The following SLC4A7 variants were observed in gnomAD, a reference collection of about 807,000 sequenced individuals.
SLC4A7 encodes the protein solute carrier family 4 member 7, also known as sodium bicarbonate cotransporter 3.
SLC4A7 carries 51 observed loss-of-function variants against 137.6 expected under a neutral mutation model. The ratio of observed to expected loss-of-function variants is 0.37; its 90% CI spans 0.30 to 0.47. The LOEUF is 0.47. SLC4A7 is among the 20% of genes least tolerant of loss of function. The pLI, the probability that SLC4A7 is intolerant of heterozygous loss-of-function variation, is 1.00. For synonymous variants in SLC4A7, 542 were observed against 518.6 expected, an observed-to-expected ratio of 1.05 and a Z score of -0.61; for missense variants, 1,247 against 1,525.4, an observed-to-expected ratio of 0.82 and a Z score of 3.04.
In SLC4A7 at chr3:27,411,677, A is replaced by G. The variant is rs759744852; in HGVS notation, c.1731T>C (p.Ala577=). The change falls in exon 12 of 26, where the codon GCT becomes GCC. Residue 577 remains alanine, a synonymous_variant. Transcript: ENST00000454389. Reference sequence around the variant, plus strand: ...TCTGTAGCTCAGGCCCAGCATGATGAGCGGCCTCTTTAGGAGTCTCACCCA... The same window carrying G: ...TCTGTAGCTCAGGCCCAGCATGATGGGCGGCCTCTTTAGGAGTCTCACCCA... ...PTLGETPKEA[A]HHAGPELQRT... 23 of 1,565,196 alleles carry G rather than the reference A, an allele frequency of 1.5e-5. No individual in the cohort carries two copies. The highest frequency in any genetic ancestry group is 1.7e-5 in the Non-Finnish European group (20 of 1,152,418).
intron 2 of SLC4A7, among the ~76,000 whole-genome samples, chr3:27,451,928 A>G (rs1286711169): frequency 6.6e-6 from 1 of 152,132 alleles, no homozygotes; most frequent in African/African-American, 2.4e-5. Flanking sequence ...TTCAAAAGAA[A>G]AGAAACCATT....
intron 4 of SLC4A7, 151 bp downstream of exon 4, chr3:27,437,237 G>T: frequency 2.4e-6 from 1 of 410,570 alleles, no homozygotes; most frequent in South Asian, 6.2e-5. Context: ...TGCAATGTCA[G>T]CTACTCGGGA....
At chr3:27,400,614 G>A in intron 16 of SLC4A7, 150 bp downstream of exon 16, 1 of 547,394 alleles carries the variant, frequency 1.8e-6, no homozygotes, top group Non-Finnish European at 3.2e-6. Context: ...ACATAAAAAA[G>A]TAGCAACTGC....
Position 27,411,747 on chromosome 3 carries a change from T to C in SLC4A7, c.1661A>G (p.Glu554Gly). The change falls in exon 12 of 26, where the codon GAA (glutamate) becomes GGA (glycine). Residue 554 changes from glutamate (E) to glycine (G), a missense_variant and splice_region_variant. Physicochemically the swap from Glu to Gly is moderately conservative, Grantham distance 98. Transcript: ENST00000454389. ...GTGAAACACAGGAATCTTTCTCTTT[T>C]CCTGAATTTCACAAAAAACATTATT... ...IEPPKSVPSQ[E>G]KRKIPVFHNG... 6.7e-7 allele frequency: 1 copy of C among 1,498,052 alleles called. No homozygotes were observed. Among genetic ancestry groups the C allele is most frequent in the Non-Finnish European group, 9.0e-7 (1 of 1,114,876 alleles). 92.8% of individuals were successfully genotyped at this position (1,498,052 alleles called of 1,614,324 possible).
chr3:27,470,829 C>A (rs2059213774), intron 1 of SLC4A7, among the ~76,000 whole-genome samples: 1 of 152,126 alleles, frequency 6.6e-6, no homozygotes, highest in South Asian at 2.1e-4. Flanking sequence ...GTACTCCCAG[C>A]TACTCCAGAG....
chr3:27,380,334 G>C (rs1247864733), intron 24 of SLC4A7, among the ~76,000 whole-genome samples: 1 of 145,710 alleles, frequency 6.9e-6, no homozygotes, highest in Admixed American at 6.9e-5. Context: ...AAAAAAAAAA[G>C]AGTACTATCC....
chr3:27,411,759 C>A lies in SLC4A7; in HGVS notation c.1660-11G>T, dbSNP rs374051241. On this transcript the variant is annotated splice_polypyrimidine_tract_variant and intron_variant, in intron 11 of 25. Coordinates refer to ENST00000454389, the MANE Select transcript of SLC4A7 (RefSeq NM_001321103.2). Reference sequence around the variant, plus strand: ...AATCTTTCTCTTTTCCTGAATTTCACAAAAAACATTATTTTCAGAATTCTA... The same window carrying A: ...AATCTTTCTCTTTTCCTGAATTTCAAAAAAAACATTATTTTCAGAATTCTA... The A allele has an allele frequency of 4.2e-6, 6 of 1,429,182 alleles. No individual in the cohort carries two copies. In the African/African-American group the frequency reaches 5.8e-5, roughly 14 times the overall value. 88.5% of individuals were successfully genotyped at this position (1,429,182 alleles called of 1,614,324 possible).
chr3:27,432,298 GATAC>G (rs1235337818), intron 6 of SLC4A7, among the ~76,000 whole-genome samples: 1 of 152,020 alleles, frequency 6.6e-6, no homozygotes, highest in Non-Finnish European at 1.5e-5. Flanking sequence ...AATTTTAAAG[GATAC>G]ATATTCTTGA....
chr3:27,435,045 C>T (rs1306229878), intron 5 of SLC4A7, among the ~76,000 whole-genome samples: 2 of 152,218 alleles, frequency 1.3e-5, no homozygotes, highest in African/African-American at 4.8e-5. Context: ...TCATGTGAGA[C>T]AAGAAAGTAA....
intron 15 of SLC4A7, 172 bp from the exon 16 acceptor site, chr3:27,401,041 G>A (rs2052695149): frequency 4.5e-6 from 2 of 446,678 alleles, no homozygotes; most frequent in Admixed American, 4.1e-5. Flanking sequence ...ATAAAGTTTG[G>A]GTTATAGAAA....
At chr3:27,443,028 T>C (rs1266239642) in intron 3 of SLC4A7, among the ~76,000 whole-genome samples, 3 of 127,184 alleles carry the variant, frequency 2.4e-5, no homozygotes, top group Admixed American at 8.3e-5. Flanking sequence ...TTTTTTCTTT[T>C]TTTCTTTTTT....
At chr3:27,380,799 C>T (rs955521198) in intron 24 of SLC4A7, among the ~76,000 whole-genome samples, 5 of 152,212 alleles carry the variant, frequency 3.3e-5, no homozygotes, top group African/African-American at 1.2e-4. Context: ...TTTATAATGG[C>T]ATAGCCATCC....
At chr3:27,393,545 G>A (rs1218100911) in intron 20 of SLC4A7, among the ~76,000 whole-genome samples, 1 of 152,148 alleles carries the variant, frequency 6.6e-6, no homozygotes, top group Non-Finnish European at 1.5e-5. Context: ...AGTAAGGGAA[G>A]GTAGCAGATA....
At position 27,418,741 on chromosome 3, in the gene SLC4A7, A is replaced by C. The variant is rs186008503; in HGVS notation, c.1513-109T>G. 524 of 658,958 alleles carry C rather than the reference A, an allele frequency of 8.0e-4. 1 individual carries two copies. The African/African-American group carries it at 8.8e-3, about 11-fold the overall frequency. 40.8% of individuals were successfully genotyped at this position (658,958 alleles called of 1,614,324 possible). A position where few individuals can be genotyped will look rare whatever the true frequency, so the allele number is the denominator to read the frequency against. On this transcript the variant is annotated intron_variant, in intron 10 of 25. Coordinates refer to ENST00000454389, the MANE Select transcript of SLC4A7 (RefSeq NM_001321103.2). ...TAGCTTCACAATAAAGATAACCCCT[A>C]AACTCTTATCTCAGGCAGGTATTCA...
At position 27,424,844 on chromosome 3, in the gene SLC4A7, T is replaced by C. The variant is rs377687227; in HGVS notation, c.1151-692A>G. 6.6e-5 allele frequency among the ~76,000 whole-genome samples: 10 copies of C among 152,288 alleles called. No homozygotes were observed. The East Asian group carries it at 1.9e-3, about 29-fold the overall frequency. On this transcript the variant is annotated intron_variant, in intron 7 of 25. Transcript: ENST00000454389. ...CTGCCACTTTGTATCTATGTGACTG[T>C]AAGAAACTCACTCCATCTCTAAGAG...
chr3:27,415,803 C>A (rs1370575067), intron 11 of SLC4A7, among the ~76,000 whole-genome samples: 1 of 152,176 alleles, frequency 6.6e-6, no homozygotes, highest in Admixed American at 6.5e-5. Context: ...TTATAGTAAT[C>A]TGCACCCACA....
At chr3:27,483,170 G>A (rs1319321448) in intron 1 of SLC4A7, among the ~76,000 whole-genome samples, 1 of 152,244 alleles carries the variant, frequency 6.6e-6, no homozygotes, top group Non-Finnish European at 1.5e-5. Context: ...ACTTGGAAAG[G>A]AGAAAGAGAC....
At chr3:27,402,429 G>A (rs1162040164) in intron 15 of SLC4A7, among the ~76,000 whole-genome samples, 1 of 152,150 alleles carries the variant, frequency 6.6e-6, no homozygotes, top group Admixed American at 6.5e-5. Context: ...GCCGGGCACA[G>A]TGGCTCACGC....
At chr3:27,383,800 T>A (rs1645920678) in intron 23 of SLC4A7, among the ~76,000 whole-genome samples, 1 of 152,160 alleles carries the variant, frequency 6.6e-6, no homozygotes, top group Non-Finnish European at 1.5e-5. Flanking sequence ...CTCGGCAATG[T>A]CTCAAATACT....
Sources: gnomAD v4.1 joint callset for allele counts (sites outside exome capture counted in the v4.1 genomes callset) on GRCh38, gnomAD v4.1.1 for gene constraint, MANE v1.5 for transcripts, NCBI Gene and HGNC (gene_info 2026-07-23, HGNC 2026-07-21) for gene names.